The following ADK variants were observed in gnomAD, a reference collection of about 807,000 sequenced individuals.
The protein encoded by ADK is N6,N6-dimethyladenosine kinase.
ADK carries 24 observed loss-of-function variants against 44.7 expected under a neutral mutation model. The ratio of observed to expected loss-of-function variants is 0.54; its 90% confidence interval spans 0.39 to 0.76. ADK has a LOEUF of 0.76. Ranked by LOEUF, ADK falls within the 30% of genes least tolerant of loss-of-function variation. The pLI is 0.00. For missense variants in ADK, 321 were observed against 425.1 expected, an observed-to-expected ratio of 0.76 and a Z score of 2.15; for synonymous variants, 128 against 142.6, an observed-to-expected ratio of 0.90 and a Z score of 0.73.
intron 6 of ADK, among the ~76,000 whole-genome samples, chr10:74,518,606 T>TA (rs1366441157): frequency 2.6e-5 from 4 of 152,316 alleles, no homozygotes; most frequent in East Asian, 1.9e-4. Context: ...GGTGAAAACT[T>TA]ACGGATATTT....
At chr10:74,567,690 GTTTTTTTTGTTTTTTTT>G (rs1850726248) in intron 7 of ADK, among the ~76,000 whole-genome samples, 1 of 122,772 alleles carries the variant, frequency 8.1e-6, no homozygotes, top group African/African-American at 3.4e-5. Context: ...TGTTTTTTTT[GTTTTTTTTGTTTTTTTT>G]TTTTTTTTTG....
At chr10:74,670,079 T>G in intron 9 of ADK, 104 bp from the exon 10 acceptor site, 1 of 903,238 alleles carries the variant, frequency 1.1e-6, no homozygotes, top group Non-Finnish European at 1.8e-6. Flanking sequence ...GTCCTGTCTC[T>G]CTTTGAATGA....
At chr10:74,196,064 A>G (rs1343070030) in intron 1 of ADK, among the ~76,000 whole-genome samples, 1 of 151,780 alleles carries the variant, frequency 6.6e-6, no homozygotes, top group African/African-American at 2.4e-5. Context: ...TCAGCCTCCC[A>G]AAGTGCTGGG....
At chr10:74,614,113 C>T (rs1266509518) in intron 9 of ADK, among the ~76,000 whole-genome samples, 1 of 152,092 alleles carries the variant, frequency 6.6e-6, no homozygotes, top group Admixed American at 6.5e-5. Context: ...TTTAGAATAA[C>T]ATGTGGACCT....
intron 9 of ADK, among the ~76,000 whole-genome samples, chr10:74,602,369 T>C (rs1254846249): frequency 6.6e-6 from 1 of 152,184 alleles, no homozygotes; most frequent in Non-Finnish European, 1.5e-5. Context: ...AGGCTTCTTA[T>C]AGGAATTGTA....
intron 3 of ADK, among the ~76,000 whole-genome samples, chr10:74,238,657 C>T (rs753206665): frequency 6.6e-6 from 1 of 152,068 alleles, no homozygotes; most frequent in Non-Finnish European, 1.5e-5. Context: ...TGAAAGGGAA[C>T]CTGCAAAGTT....
At chr10:74,290,082 A>ACACG (rs1847350580) in intron 3 of ADK, among the ~76,000 whole-genome samples, 1 of 147,888 alleles carries the variant, frequency 6.8e-6, no homozygotes, top group Non-Finnish European at 1.5e-5. Flanking sequence ...TCACGCGCAC[A>ACACG]CACACACACA....
At chr10:74,255,070 G>A (rs1845778813) in intron 3 of ADK, among the ~76,000 whole-genome samples, 1 of 152,094 alleles carries the variant, frequency 6.6e-6, no homozygotes, top group African/African-American at 2.4e-5. Context: ...GAGATCCATG[G>A]AGGAAAAAAG....
At chr10:74,254,976 A>G (rs757019822) in intron 3 of ADK, among the ~76,000 whole-genome samples, 1 of 152,166 alleles carries the variant, frequency 6.6e-6, no homozygotes, top group African/African-American at 2.4e-5. Flanking sequence ...TGTTATGTTG[A>G]TGGTCAAAGT....
At chr10:74,664,052 A>G (rs1352951157) in intron 9 of ADK, among the ~76,000 whole-genome samples, 1 of 152,228 alleles carries the variant, frequency 6.6e-6, no homozygotes, top group East Asian at 1.9e-4. Context: ...ATGAAGCAAA[A>G]TAATTAAATT....
chr10:74,197,853 C>T (rs541662231), intron 1 of ADK, among the ~76,000 whole-genome samples: 176 of 152,114 alleles, frequency 1.2e-3, no homozygotes, highest in African/African-American at 3.8e-3. Context: ...TTTGGGAATG[C>T]GGTAGATGTT....
In ADK at chr10:74,393,232, T is replaced by C. The variant is rs542819463; in HGVS notation, c.274-909T>C. Among the ~76,000 whole-genome samples the C allele has an allele frequency of 5.3e-5, 8 of 152,296 alleles. No homozygotes were observed. The East Asian group carries it at 1.5e-3, about 29-fold the overall frequency. On this transcript the variant is annotated intron_variant, in intron 4 of 10. Coordinates refer to ENST00000539909, the MANE Select transcript of ADK (RefSeq NM_006721.4). ...AATCTATTTTGATATCTTTTGACTTTGTATGTAGATTATTTGTAGGTTATT... is the reference window on the plus strand; with the variant it reads ...AATCTATTTTGATATCTTTTGACTTCGTATGTAGATTATTTGTAGGTTATT...
chr10:74,422,508 C>A (rs7099159), intron 6 of ADK, among the ~76,000 whole-genome samples: 119,035 of 152,114 alleles, frequency 0.78, 47,966 homozygotes, highest in African/African-American at 0.95. Context: ...CTTGGTTTGG[C>A]CAAATGTACC....
Position 74,647,657 on chromosome 10 carries a change from C to T in ADK, c.878-22526C>T, listed in dbSNP as rs1023229129. On this transcript the variant is annotated intron_variant, in intron 9 of 10. Transcript: ENST00000539909. ...CTCCTTTAAATAACTTGTATGCAAACGTTATTCAGAAACGTCTTCTAGGAG... is the reference window on the plus strand; with the variant it reads ...CTCCTTTAAATAACTTGTATGCAAATGTTATTCAGAAACGTCTTCTAGGAG... 5.9e-5 allele frequency among the ~76,000 whole-genome samples: 9 copies of T among 152,024 alleles called. No individual in the cohort carries two copies. In the South Asian group the frequency reaches 1.2e-3, roughly 21 times the overall value.
At chr10:74,676,059 A>AC (rs398038459) in intron 10 of ADK, among the ~76,000 whole-genome samples, 3 of 151,234 alleles carry the variant, frequency 2.0e-5, no homozygotes, top group Non-Finnish European at 3.0e-5. Context: ...AAAAAAAAAA[A>AC]CACCTTCATT....
intron 6 of ADK, among the ~76,000 whole-genome samples, chr10:74,438,873 T>C (rs1845287272): frequency 6.6e-6 from 1 of 152,210 alleles, no homozygotes; most frequent in East Asian, 1.9e-4. Flanking sequence ...TTCAGTATCA[T>C]CACCATTCAA....
chr10:74,321,415 T>A (rs887114023), intron 4 of ADK, among the ~76,000 whole-genome samples: 5 of 151,880 alleles, frequency 3.3e-5, no homozygotes, highest in African/African-American at 1.2e-4. Context: ...TCCTGAGTAG[T>A]TGGGACTATA....
chr10:74,219,515 A>G (rs1358019072), intron 2 of ADK, among the ~76,000 whole-genome samples: 1 of 152,080 alleles, frequency 6.6e-6, no homozygotes, highest in Non-Finnish European at 1.5e-5. Flanking sequence ...TGCACCAAGC[A>G]GACCTAATAG....
chr10:74,256,033 CAG>C (rs2132352800), intron 3 of ADK, among the ~76,000 whole-genome samples: 1 of 152,214 alleles, frequency 6.6e-6, no homozygotes, highest in South Asian at 2.1e-4. Flanking sequence ...GTGTTGTAAT[CAG>C]AGTCAAGAAA....
Sources: gnomAD v4.1 joint callset for allele counts (sites outside exome capture counted in the v4.1 genomes callset) on GRCh38, gnomAD v4.1.1 for gene constraint, MANE v1.5 for transcripts, NCBI Gene and HGNC (gene_info 2026-07-23, HGNC 2026-07-21) for gene names.